PCSK5: variants seen among roughly 807,000 people sequenced by gnomAD.
The protein encoded by PCSK5 is proprotein convertase subtilisin/kexin type 5.
Under a neutral mutation model 233.2 loss-of-function variants are expected in PCSK5, and 129 were observed. The observed-to-expected ratio is 0.55, with a 90% CI of 0.48 to 0.64. The LOEUF (loss-of-function observed/expected upper bound fraction) is 0.64. Ranked by LOEUF, PCSK5 falls within the 30% of genes least tolerant of loss-of-function variation. The pLI is 0.00. For synonymous variants in PCSK5, 825 were observed against 879.2 expected, an observed-to-expected ratio of 0.94 and a Z score of 1.09; for missense variants, 2,076 against 2,430.1, an observed-to-expected ratio of 0.85 and a Z score of 3.06.
chr9:76,038,392 T>C (rs1828955127), intron 5 of PCSK5, among the ~76,000 whole-genome samples: 1 of 152,220 alleles, frequency 6.6e-6, no homozygotes, highest in Non-Finnish European at 1.5e-5. Flanking sequence ...GCTAGGTGAT[T>C]TGATTTGAAT....
chr9:76,204,504 C>A (rs7848692), intron 20 of PCSK5, among the ~76,000 whole-genome samples: 3 of 150,954 alleles, frequency 2.0e-5, no homozygotes, highest in Non-Finnish European at 4.4e-5. Flanking sequence ...CTCTCTCCCC[C>A]CTTCTCTGGC....
chr9:76,049,707 TCAAA>T (rs1269338743), intron 5 of PCSK5, among the ~76,000 whole-genome samples: 1 of 152,174 alleles, frequency 6.6e-6, no homozygotes, highest in Non-Finnish European at 1.5e-5. Flanking sequence ...TGTATTTCAG[TCAAA>T]CAGATAATTG....
chr9:76,153,459 T>G (rs1415511886), intron 10 of PCSK5, among the ~76,000 whole-genome samples: 1 of 152,210 alleles, frequency 6.6e-6, no homozygotes, highest in East Asian at 1.9e-4. Flanking sequence ...TCATGGAATT[T>G]TGCATTTTAC....
chr9:76,053,301 C>T (rs1306953383), intron 5 of PCSK5, among the ~76,000 whole-genome samples: 1 of 152,212 alleles, frequency 6.6e-6, no homozygotes, highest in Non-Finnish European at 1.5e-5. Context: ...GGTTCCCCCG[C>T]TGCAGCAAAC....
intron 2 of PCSK5, among the ~76,000 whole-genome samples, chr9:75,981,811 C>T (rs1303325098): frequency 6.6e-6 from 1 of 152,176 alleles, no homozygotes; most frequent in Non-Finnish European, 1.5e-5. Context: ...CATCCTCCTG[C>T]CTTGGCCTCC....
chr9:76,357,637 G>T (rs1830333902), intron 37 of PCSK5, among the ~76,000 whole-genome samples: 1 of 152,190 alleles, frequency 6.6e-6, no homozygotes, highest in African/African-American at 2.4e-5. Flanking sequence ...AGAAGCCAAA[G>T]AACTGTTGTC....
At chr9:76,253,199 T>A (rs1328718938) in intron 24 of PCSK5, among the ~76,000 whole-genome samples, 1 of 151,774 alleles carries the variant, frequency 6.6e-6, no homozygotes, top group Non-Finnish European at 1.5e-5. Context: ...GACCATCGTC[T>A]CCATGGGCAG....
chr9:75,899,578 A>G (rs1360317599), intron 1 of PCSK5, among the ~76,000 whole-genome samples: 1 of 152,102 alleles, frequency 6.6e-6, no homozygotes, highest in East Asian at 1.9e-4. Flanking sequence ...CTCTGTTTCT[A>G]TGTAATCAAC....
chr9:76,354,386 A>G (rs1324564060), intron 37 of PCSK5, among the ~76,000 whole-genome samples, 167 bp downstream of exon 37: 1 of 152,216 alleles, frequency 6.6e-6, no homozygotes, highest in Non-Finnish European at 1.5e-5. Context: ...CCATTGTCTC[A>G]CTTCACAAGT....
At chr9:76,142,493 A>C (rs1823267536) in intron 10 of PCSK5, among the ~76,000 whole-genome samples, 1 of 152,180 alleles carries the variant, frequency 6.6e-6, no homozygotes, top group African/African-American at 2.4e-5. Flanking sequence ...CAAGGAGGCC[A>C]TCCTAGCTGG....
chr9:75,904,991 TGC>T (rs981895775), intron 1 of PCSK5, among the ~76,000 whole-genome samples: 3 of 152,222 alleles, frequency 2.0e-5, no homozygotes, highest in Non-Finnish European at 4.4e-5. Context: ...TTTTGATACA[TGC>T]TACAATGTAG....
chr9:76,038,710 C>T (rs1828968162), intron 5 of PCSK5, among the ~76,000 whole-genome samples: 3 of 152,092 alleles, frequency 2.0e-5, no homozygotes, highest in South Asian at 2.1e-4. Context: ...AAATGTAATT[C>T]GTAAAGAGGG....
chr9:76,247,511 T>A (rs1312474994), intron 24 of PCSK5, among the ~76,000 whole-genome samples: 2 of 152,168 alleles, frequency 1.3e-5, no homozygotes, highest in African/African-American at 2.4e-5. Flanking sequence ...ATTGGTCCGG[T>A]GTGAGCTAAG....
intron 24 of PCSK5, among the ~76,000 whole-genome samples, chr9:76,288,279 TG>T (rs1358293861): frequency 6.6e-5 from 10 of 152,216 alleles, no homozygotes; most frequent in Non-Finnish European, 1.5e-4. Flanking sequence ...CTGGATTTCC[TG>T]GTCTCTCCAA....
chr9:76,193,455 C>T (rs1043317337), intron 20 of PCSK5: 3 of 852,156 alleles, frequency 3.5e-6, no homozygotes, highest in Non-Finnish European at 5.1e-6. Context: ...AGCCACCTCT[C>T]TCTTTCTTTT....
intron 1 of PCSK5, among the ~76,000 whole-genome samples, chr9:75,915,744 T>C (rs1386108135): frequency 6.6e-6 from 1 of 152,226 alleles, no homozygotes; most frequent in Admixed American, 6.5e-5. Context: ...TATGCAGATA[T>C]GAGGAATGGT....
chr9:75,913,924 C>A (rs1178753705), intron 1 of PCSK5, among the ~76,000 whole-genome samples: 2 of 152,100 alleles, frequency 1.3e-5, no homozygotes, highest in African/African-American at 4.8e-5. Flanking sequence ...CTTTGCAAGG[C>A]CCTTCTGAAA....
chr9:76,020,863 A>G (rs1369428552), intron 3 of PCSK5, among the ~76,000 whole-genome samples: 1 of 152,190 alleles, frequency 6.6e-6, no homozygotes, highest in Non-Finnish European at 1.5e-5. Context: ...TGGCCACATT[A>G]ACATGACTTC....
chr9:76,016,626 C>G (rs1462042588), intron 3 of PCSK5, among the ~76,000 whole-genome samples: 2 of 152,200 alleles, frequency 1.3e-5, no homozygotes, highest in Non-Finnish European at 2.9e-5. Flanking sequence ...GTTCTCCATA[C>G]ACTAATATGA....
Sources: allele counts gnomAD v4.1 joint callset (sites outside exome capture counted in the v4.1 genomes callset), GRCh38; gene constraint gnomAD v4.1.1; transcripts MANE v1.5; gene names NCBI Gene and HGNC (gene_info 2026-07-23, HGNC 2026-07-21).